USP3: variants seen among roughly 807,000 people sequenced by gnomAD.
The protein encoded by USP3 is ubiquitin specific peptidase 3.
A neutral mutation model predicts 72.3 loss-of-function variants in USP3; 20 were observed. That is an observed-to-expected ratio of 0.28 (90% CI 0.19 to 0.40). The LOEUF is 0.40. USP3 is among the 10% of genes least tolerant of loss of function. USP3 has a pLI of 1.00. For synonymous variants in USP3, 222 were observed against 225.3 expected (o/e 0.99, Z 0.13); for missense variants, 479 against 633.9 (o/e 0.76, Z 2.62).
Position 63,549,860 on chromosome 15 carries a change from T to G in USP3, c.285-3855T>G, listed in dbSNP as rs373109958. ...TGTTTTGAGAAAATCTGAATTAGAG[T>G]TAACAGAATTGTAAATCTTTGCAAA... is the stretch of plus-strand genomic sequence containing the variant. On this transcript the variant is annotated intron_variant, in intron 3 of 14. Transcript: ENST00000380324. Among the ~76,000 whole-genome samples the G allele has an allele frequency of 4.6e-5, 7 of 152,324 alleles. No homozygotes were observed. The East Asian group carries it at 1.2e-3, about 25-fold the overall frequency.
chr15:63,586,157 T>C (rs1483850217), intron 11 of USP3, among the ~76,000 whole-genome samples: 2 of 152,222 alleles, frequency 1.3e-5, no homozygotes, highest in African/African-American at 4.8e-5. Context: ...TTTTTCCTTT[T>C]CATTTTGGAT....
rs899484037 is a variant in USP3, at chr15:63,517,087, A to T, written c.91+12257A>T. Among the ~76,000 whole-genome samples the T allele has an allele frequency of 7.2e-5, 11 of 151,890 alleles. 1 individual carries two copies. In the South Asian group the frequency reaches 2.3e-3, roughly 32 times the overall value. ...TTAAGTTTTAGGGTACATGTGCACA[A>T]TGTGCAGGTAAGTTATATATGTATA... On this transcript the variant is annotated intron_variant, in intron 1 of 14. Transcript: ENST00000380324.
intron 3 of USP3, among the ~76,000 whole-genome samples, chr15:63,547,148 T>C (rs1230876019): frequency 2.6e-5 from 4 of 152,208 alleles, no homozygotes. Context: ...AACTAACATT[T>C]ACTAATCCTC....
At chr15:63,536,770 T>G (rs1595724137) in intron 2 of USP3, among the ~76,000 whole-genome samples, 1 of 151,274 alleles carries the variant, frequency 6.6e-6, no homozygotes, top group South Asian at 2.1e-4. Flanking sequence ...AGGAGAATGG[T>G]GTGAACCTAG....
intron 2 of USP3, among the ~76,000 whole-genome samples, chr15:63,534,280 A>G (rs548051119): frequency 1.3e-5 from 2 of 152,242 alleles, no homozygotes; most frequent in South Asian, 4.1e-4. Flanking sequence ...CCAGGTGTTG[A>G]TTGCCAAATT....
intron 1 of USP3, among the ~76,000 whole-genome samples, chr15:63,525,468 A>C (rs1232849443): frequency 1.3e-5 from 2 of 152,224 alleles, no homozygotes; most frequent in African/African-American, 4.8e-5. Context: ...GGGAGACATC[A>C]GACACTGATT....
chr15:63,534,989 T>A (rs923406550), intron 2 of USP3, among the ~76,000 whole-genome samples: 1 of 151,980 alleles, frequency 6.6e-6, no homozygotes, highest in African/African-American at 2.4e-5. Context: ...TGCAGTGGAG[T>A]GGGGTGATCT....
intron 3 of USP3, among the ~76,000 whole-genome samples, chr15:63,542,877 T>C (rs1367195654): frequency 1.3e-5 from 2 of 152,142 alleles, no homozygotes; most frequent in Non-Finnish European, 2.9e-5. Flanking sequence ...AGACAGAAAG[T>C]CAAATAATTG....
chr15:63,540,022 G>C (rs2066220417), intron 3 of USP3, among the ~76,000 whole-genome samples: 1 of 152,152 alleles, frequency 6.6e-6, no homozygotes, highest in East Asian at 1.9e-4. Context: ...AATTTTCCTT[G>C]TACACTAATT....
intron 11 of USP3, among the ~76,000 whole-genome samples, chr15:63,587,505 C>G (rs1370640432): frequency 1.3e-5 from 2 of 152,248 alleles, no homozygotes; most frequent in East Asian, 1.9e-4. Context: ...TAATAGTTTC[C>G]TTTAACGTTT....
chr15:63,531,573 C>G (rs1043391894), intron 1 of USP3, among the ~76,000 whole-genome samples: 1 of 152,058 alleles, frequency 6.6e-6, no homozygotes, highest in Non-Finnish European at 1.5e-5. Context: ...CACCTTATTT[C>G]CAGTTTCGGT....
chr15:63,546,954 G>C (rs796867597), intron 3 of USP3, among the ~76,000 whole-genome samples: 3 of 152,292 alleles, frequency 2.0e-5, no homozygotes, highest in African/African-American at 7.2e-5. Flanking sequence ...ACAATTTCCA[G>C]TTTGAAAGCT....
At chr15:63,585,573 T>G (rs1465187149) in intron 11 of USP3, among the ~76,000 whole-genome samples, 1 of 152,188 alleles carries the variant, frequency 6.6e-6, no homozygotes, top group Non-Finnish European at 1.5e-5. Flanking sequence ...TTGTATCCTG[T>G]CTTTTCATTC....
At chr15:63,556,601 TC>T in intron 4 of USP3, 65 bp from the exon 5 acceptor site, 16 of 1,314,606 alleles carry the variant, frequency 1.2e-5, no homozygotes, top group Non-Finnish European at 1.7e-5. Flanking sequence ...TGGAGTTTAT[TC>T]TTTCACCTGT....
chr15:63,526,844 G>A (rs984069615), intron 1 of USP3, among the ~76,000 whole-genome samples: 3 of 152,182 alleles, frequency 2.0e-5, no homozygotes, highest in African/African-American at 7.2e-5. Flanking sequence ...TTTTATTTAT[G>A]GGGGATGATG....
intron 1 of USP3, among the ~76,000 whole-genome samples, chr15:63,506,187 A>G (rs1391408264): frequency 6.6e-6 from 1 of 152,210 alleles, no homozygotes; most frequent in Admixed American, 6.5e-5. Flanking sequence ...TTTTGTGAGG[A>G]TGCAGAAACT....
chr15:63,521,518 T>C (rs1229812251), intron 1 of USP3, among the ~76,000 whole-genome samples: 1 of 152,236 alleles, frequency 6.6e-6, no homozygotes, highest in African/African-American at 2.4e-5. Flanking sequence ...GTGAAATACT[T>C]ATCTATCGTA....
rs1340969664 is a variant in USP3 at position 63,529,952 on chromosome 15, T to G, written c.92-2695T>G. Among the ~76,000 whole-genome samples the G allele has an allele frequency of 1.3e-5, 2 of 152,100 alleles. No homozygotes were observed. The highest frequency in any genetic ancestry group is 2.9e-5 in the Non-Finnish European group (2 of 68,004). On this transcript the variant is annotated intron_variant, in intron 1 of 14. Transcript: ENST00000380324. The surrounding 1 kb of genome is among the most constrained non-coding windows in gnomAD (Gnocchi z 4.2). ...TTCAAGACCAGTCTAGGCAACATAG[T>G]GAGACCCTGTCTCTACCAAAAAGAA...
At chr15:63,549,135 T>G (rs1028673487) in intron 3 of USP3, among the ~76,000 whole-genome samples, 7 of 152,224 alleles carry the variant, frequency 4.6e-5, no homozygotes, top group Non-Finnish European at 1.0e-4. Flanking sequence ...TTATTAGAGA[T>G]AGTTTGCACT....
Sources: gnomAD v4.1 joint callset for allele counts (sites outside exome capture counted in the v4.1 genomes callset) on GRCh38, gnomAD v4.1.1 for gene constraint, Gnocchi (gnomAD v3.1) non-coding constraint, MANE v1.5 for transcripts, NCBI Gene and HGNC (gene_info 2026-07-23, HGNC 2026-07-21) for gene names.